CCDC81: variants seen among roughly 807,000 people sequenced by gnomAD.
The protein encoded by CCDC81 is coiled-coil domain containing 81, also known as coiled-coil domain-containing protein 81.
Under a neutral mutation model 83.7 loss-of-function variants are expected in CCDC81, and 79 were observed. That is an observed-to-expected ratio of 0.94 (90% CI 0.79 to 1.14). The LOEUF is 1.14. Ranked by LOEUF, CCDC81 falls within the 50% of genes most tolerant of loss-of-function variation. CCDC81 has a pLI of 0.00. For synonymous variants in CCDC81, 252 were observed against 278.1 expected, an observed-to-expected ratio of 0.91 and a Z score of 0.93; for missense variants, 791 against 778.1, an observed-to-expected ratio of 1.02 and a Z score of -0.20.
chr11:86,421,777 G>C (rs1038530267), intron 14 of CCDC81, among the ~76,000 whole-genome samples: 2 of 152,122 alleles, frequency 1.3e-5, no homozygotes, highest in Non-Finnish European at 2.9e-5. Context: ...AATTAGCTGG[G>C]TGTGGTGGTG....
Position 86,409,251 on chromosome 11 carries a change from TA to T in CCDC81, c.1114-7del, listed in dbSNP as rs1555192790. ...TTTAAAAATAAACTTTTTTTTTTTT[TA>T]AACAATAGATGAAAAGTCTGGCTAC... On this transcript the variant is annotated splice_polypyrimidine_tract_variant and intron_variant, in intron 9 of 14. Coordinates refer to ENST00000445632, the MANE Select transcript of CCDC81 (RefSeq NM_001156474.2). 5.5e-6 allele frequency: 7 copies of T among 1,284,224 alleles called. No individual in the cohort carries two copies. Among genetic ancestry groups the T allele is most frequent in the South Asian group, 1.9e-5 (1 of 53,128 alleles). 79.6% of individuals were successfully genotyped at this position (1,284,224 alleles called of 1,614,324 possible).
chr11:86,409,605 C>T (rs1272748266), intron 10 of CCDC81, among the ~76,000 whole-genome samples: 1 of 152,208 alleles, frequency 6.6e-6, no homozygotes, highest in African/African-American at 2.4e-5. Context: ...GCACCCGCCA[C>T]CATGCCCCGC....
At chr11:86,415,870 C>T (rs931508063) in intron 13 of CCDC81, among the ~76,000 whole-genome samples, 8 of 152,108 alleles carry the variant, frequency 5.3e-5, no homozygotes, top group African/African-American at 1.9e-4. Context: ...GACAGGGTCT[C>T]ACTATGTTAC....
rs1948475512 is a variant in CCDC81 at position 86,400,760 on chromosome 11, T to G, written c.840T>G (p.Phe280Leu). The G allele has an allele frequency of 1.9e-6, 3 of 1,613,082 alleles. No individual in the cohort carries two copies. The highest frequency in any genetic ancestry group is 2.5e-6 in the Non-Finnish European group (3 of 1,179,274). The change falls in exon 7 of 15, where the codon TTT (phenylalanine) becomes TTG (leucine). Residue 280 changes from phenylalanine to leucine, a missense_variant. Phe to Leu is a conservative substitution (Grantham distance 22, BLOSUM62 0). Transcript: ENST00000445632. ...KVTNVSLLEK[F>L]ERSESGGKIM... ...CAAATGTCAGCTTGCTGGAAAAGTT[T>G]GAACGAAGTGAGAGTGGTGGGAAGA...
chr11:86,415,041 A>G (rs1161920615), intron 12 of CCDC81, 52 bp from the exon 13 acceptor site: 1 of 1,588,568 alleles, frequency 6.3e-7, no homozygotes, highest in Admixed American at 1.7e-5. Context: ...TTGTGCATAA[A>G]GCTTATTCCC....
chr11:86,390,809 G>A (rs1049123720), intron 3 of CCDC81, among the ~76,000 whole-genome samples: 1 of 152,074 alleles, frequency 6.6e-6, no homozygotes, highest in African/African-American at 2.4e-5. Context: ...GGTGGATTTC[G>A]GTGGTGGATA....
rs1948587213 is a variant in CCDC81, at chr11:86,408,120, A to AT, written c.970-5dup. On this transcript the variant is annotated splice_polypyrimidine_tract_variant and splice_region_variant and intron_variant, in intron 8 of 14. Transcript: ENST00000445632. ...AAATTTATTTGTCCTGAAATTTGGG[A>AT]TTGTAGGAAATGTGCTATGTATGTT... The AT allele has an allele frequency of 6.2e-7, 1 of 1,603,926 alleles. No homozygotes were observed. The highest frequency in any genetic ancestry group is 8.5e-7 in the Non-Finnish European group (1 of 1,177,310).
chr11:86,375,362 T>G, intron 1 of CCDC81, 120 bp downstream of exon 1: 1 of 772,106 alleles, frequency 1.3e-6, no homozygotes, highest in Non-Finnish European at 2.1e-6. Flanking sequence ...GTGGCTAAGT[T>G]GCCTTGACAA....
chr11:86,381,504 G>C (rs1230578561), intron 1 of CCDC81, among the ~76,000 whole-genome samples: 1 of 152,078 alleles, frequency 6.6e-6, no homozygotes, highest in Non-Finnish European at 1.5e-5. Flanking sequence ...TTTAACTCTT[G>C]GTGTTGTCCA....
chr11:86,392,921 T>C (rs1948353726), intron 4 of CCDC81, 124 bp downstream of exon 4: 1 of 1,038,174 alleles, frequency 9.6e-7, no homozygotes, highest in Non-Finnish European at 1.4e-6. Flanking sequence ...CTGAAGTACA[T>C]GGAAGTGCTT....
rs1230555365 is a variant in CCDC81 at position 86,422,735 on chromosome 11, C to T, written c.*20C>T. 4.4e-6 allele frequency: 7 copies of T among 1,606,788 alleles called. No homozygotes were observed. The highest frequency in any genetic ancestry group is 2.2e-5 in the South Asian group (2 of 90,590). ...GTGTAAAACTCAAAGTTTGGCTCTT[C>T]GTTTCCCGGGGAAAGTTTTTATCTT... On this transcript the variant is annotated 3_prime_UTR_variant, in exon 15 of 15. Transcript: ENST00000445632.
rs757387773 is a variant in CCDC81, at chr11:86,375,191, C to CAGG, written c.30_32dup (p.Gln10_Asp11insGlu). On this transcript the variant is annotated inframe_insertion, in exon 1 of 15. Transcript: ENST00000445632. ...GTTGGATACGATCGCCCGTGCCCTG[C>CAGG]AGGACCTGGGCAGGCAGGTGCTGCC... The CAGG allele has an allele frequency of 6.2e-6, 10 of 1,613,462 alleles. No individual in the cohort carries two copies. The Admixed American group carries it at 1.3e-4, about 22-fold the overall frequency.
Position 86,409,336 on chromosome 11 carries a change from A to G in CCDC81, c.1189A>G (p.Asn397Asp), listed in dbSNP as rs1227699485. The G allele has an allele frequency of 5.2e-6, 8 of 1,536,528 alleles. No homozygotes were observed. Among genetic ancestry groups the G allele is most frequent in the Non-Finnish European group, 7.0e-6 (8 of 1,143,944 alleles). ...TCTTGGAGTTGCTGAAGCTATAAGA[A>G]ACCACAAGAATGAGAAACCGGAATT... is the stretch of plus-strand genomic sequence containing the variant. Reference protein sequence around the residue: ...YNLGVAEAIRNHKNEKPEFYK... With the variant: ...YNLGVAEAIRDHKNEKPEFYK... Residue 397 changes from asparagine to aspartate, a missense_variant, in exon 10 of 15, where the codon AAC (asparagine) becomes GAC (aspartate). By Grantham distance (23) the Asn-to-Asp change is conservative. Coordinates refer to ENST00000445632, the MANE Select transcript of CCDC81 (RefSeq NM_001156474.2).
chr11:86,391,314 A>C (rs1320680298), intron 3 of CCDC81, among the ~76,000 whole-genome samples: 1 of 152,230 alleles, frequency 6.6e-6, no homozygotes, highest in Non-Finnish European at 1.5e-5. Flanking sequence ...AATTTTCATC[A>C]TTTAGCAGTG....
chr11:86,414,302 C>T (rs946562630), intron 11 of CCDC81: 8 of 152,544 alleles, frequency 5.2e-5, no homozygotes, highest in African/African-American at 7.5e-5. Context: ...TGTTCACTAG[C>T]GTATGGAATT....
At chr11:86,393,074 G>GT (rs1341864187) in intron 4 of CCDC81, among the ~76,000 whole-genome samples, 9 of 152,060 alleles carry the variant, frequency 5.9e-5, no homozygotes, top group Admixed American at 3.3e-4. Context: ...TTTTTTGTTT[G>GT]TTTTTTGAGA....
In CCDC81 at chr11:86,407,563, CT is replaced by C. The variant is rs755324154; in HGVS notation, c.882-49del. On this transcript the variant is annotated intron_variant, in intron 7 of 14. Coordinates refer to ENST00000445632, the MANE Select transcript of CCDC81 (RefSeq NM_001156474.2). The stretch of plus-strand genomic sequence containing the variant: ...ACTTGCCTCTAAAATTATTATTGCC[CT>C]TGAGGTCAGATTGTATTAAACATTA... 4.0e-6 allele frequency: 5 copies of C among 1,249,324 alleles called. No homozygotes were observed. The East Asian group carries it at 9.7e-5, about 24-fold the overall frequency. The allele number at this position is 1,249,324 out of a possible 1,614,324, so 77.4% of individuals were successfully genotyped here.
At chr11:86,408,832 G>A (rs1431745973) in intron 9 of CCDC81, among the ~76,000 whole-genome samples, 1 of 152,110 alleles carries the variant, frequency 6.6e-6, no homozygotes, top group East Asian at 1.9e-4. Flanking sequence ...AATTTTAAAG[G>A]TGGAATTATT....
At chr11:86,421,935 A>G (rs994791410) in intron 14 of CCDC81, among the ~76,000 whole-genome samples, 1 of 151,306 alleles carries the variant, frequency 6.6e-6, no homozygotes, top group African/African-American at 2.4e-5. Context: ...AAATCCACCC[A>G]TGGAGAAATT....
Sources: gnomAD v4.1 joint callset for allele counts (sites outside exome capture counted in the v4.1 genomes callset) on GRCh38, gnomAD v4.1.1 for gene constraint, MANE v1.5 for transcripts, NCBI Gene and HGNC (gene_info 2026-07-23, HGNC 2026-07-21) for gene names.